Variants in STK32A observed in about 807,000 individuals in gnomAD.
STK32A encodes the protein serine/threonine kinase 32A, also known as serine/threonine-protein kinase 32A.
In STK32A, 41 loss-of-function variants were observed where a neutral mutation model predicts 53.2. The ratio of observed to expected loss-of-function variants is 0.77; its 90% CI spans 0.60 to 1.00. The LOEUF is 1.00. Ranked by LOEUF, STK32A falls within the 50% of genes least tolerant of loss-of-function variation. The pLI, the probability that STK32A is intolerant of heterozygous loss-of-function variation, is 0.00. For missense variants in STK32A, 458 were observed against 485.8 expected (o/e 0.94, Z 0.54); for synonymous variants, 166 against 162.8 (o/e 1.02, Z -0.15).
chr5:147,309,822 G>C (rs1305105761), intron 4 of STK32A, among the ~76,000 whole-genome samples: 1 of 152,034 alleles, frequency 6.6e-6, no homozygotes, highest in African/African-American at 2.4e-5. Context: ...TCTTTCGATA[G>C]CCACAAAAAC....
chr5:147,303,074 T>A (rs2151966934), intron 4 of STK32A, among the ~76,000 whole-genome samples: 1 of 152,322 alleles, frequency 6.6e-6, no homozygotes, highest in South Asian at 2.1e-4. Context: ...ATCAGGTGCA[T>A]CATCCCTAAA....
chr5:147,287,583 G>T (rs1752405753), intron 4 of STK32A, among the ~76,000 whole-genome samples: 1 of 152,060 alleles, frequency 6.6e-6, no homozygotes, highest in Admixed American at 6.6e-5. Context: ...CTTGGAAATA[G>T]GTCTATTACA....
At chr5:147,264,937 T>C (rs955494557) in intron 2 of STK32A, among the ~76,000 whole-genome samples, 1 of 151,986 alleles carries the variant, frequency 6.6e-6, no homozygotes, top group Non-Finnish European at 1.5e-5. Context: ...TATAAAGATA[T>C]AGATAGTTAT....
chr5:147,295,013 C>A (rs1347078062), intron 4 of STK32A, among the ~76,000 whole-genome samples: 6 of 152,136 alleles, frequency 3.9e-5, no homozygotes, highest in Non-Finnish European at 8.8e-5. Flanking sequence ...CATACGATAA[C>A]TACAATTTTA....
intron 4 of STK32A, among the ~76,000 whole-genome samples, chr5:147,288,160 T>C (rs1357805241): frequency 2.6e-5 from 4 of 152,208 alleles, no homozygotes; most frequent in Admixed American, 6.5e-5. Context: ...TCATTAACAA[T>C]GATAGAAGAA....
At chr5:147,259,432 G>T (rs560185979) in intron 2 of STK32A, among the ~76,000 whole-genome samples, 50 of 152,196 alleles carry the variant, frequency 3.3e-4, no homozygotes, top group African/African-American at 1.2e-3. Context: ...TGGCCTCAGT[G>T]CTTTCAGGCT....
At chr5:147,365,198 G>T (rs890414343) in intron 8 of STK32A, among the ~76,000 whole-genome samples, 6 of 152,024 alleles carry the variant, frequency 3.9e-5, no homozygotes, top group Admixed American at 3.9e-4. Flanking sequence ...TTTCATCATG[G>T]TCCAATGGCT....
intron 4 of STK32A, among the ~76,000 whole-genome samples, chr5:147,283,499 C>CA (rs1752169733): frequency 6.8e-6 from 1 of 148,074 alleles, no homozygotes; most frequent in Admixed American, 6.7e-5. Flanking sequence ...ATAAATAAAA[C>CA]AAAAAGATGG....
intron 2 of STK32A, among the ~76,000 whole-genome samples, chr5:147,274,384 GTCTT>G (rs1342646265): frequency 6.6e-6 from 1 of 152,158 alleles, no homozygotes; most frequent in Non-Finnish European, 1.5e-5. Flanking sequence ...TCTCCAGACG[GTCTT>G]TCTGTCTTCT....
chr5:147,338,415 CCAGTCTTGGGTATGTCTTTATTAG>C (rs1263776047), intron 5 of STK32A, among the ~76,000 whole-genome samples: 2 of 152,030 alleles, frequency 1.3e-5, no homozygotes, highest in Non-Finnish European at 2.9e-5. Flanking sequence ...TATAAATTAC[CCAGTCTTGGGTATGTCTTTATTAG>C]CAGTGTGAGA....
chr5:147,324,875 T>C (rs1199434670), intron 5 of STK32A, among the ~76,000 whole-genome samples: 1 of 152,210 alleles, frequency 6.6e-6, no homozygotes, highest in Non-Finnish European at 1.5e-5. Context: ...TGTTTACTGG[T>C]TGATGACTTA....
intron 6 of STK32A, among the ~76,000 whole-genome samples, chr5:147,345,416 A>C (rs1025294239): frequency 7.9e-5 from 12 of 152,202 alleles, no homozygotes; most frequent in Non-Finnish European, 1.5e-4. Context: ...TTTCCTTGGA[A>C]AGGAAGCTGG....
intron 11 of STK32A, among the ~76,000 whole-genome samples, chr5:147,382,248 T>A (rs1757480829): frequency 1.3e-5 from 2 of 152,224 alleles, no homozygotes; most frequent in South Asian, 4.1e-4. Context: ...TTTTAGTTAT[T>A]GCACTTTTCA....
intron 2 of STK32A, among the ~76,000 whole-genome samples, chr5:147,247,198 T>A (rs1263767477): frequency 6.6e-6 from 1 of 152,246 alleles, no homozygotes; most frequent in Non-Finnish European, 1.5e-5. Flanking sequence ...TGACTTCTGC[T>A]GTATGGCCTT....
chr5:147,259,924 CTCACTCCTGGCTG>C, intron 2 of STK32A, among the ~76,000 whole-genome samples: 1 of 131,074 alleles, frequency 7.6e-6, no homozygotes, highest in Admixed American at 7.2e-5. Context: ...CCTCTTGTCT[CTCACTCCTGGCTG>C]TCTCTCTCTC....
rs766564311 is a variant in STK32A at position 147,375,151 on chromosome 5, C to G, written c.965C>G (p.Pro322Arg). ...GAGGAAATGATTTTGGAGTCCAAAC[C>G]TCTACATAAGAAAAAAAAGCGTCTG... ...ELEEMILESK[P>R]LHKKKKRLAK... The change falls in exon 11 of 13, where the codon CCT becomes CGT. Residue 322 changes from proline (P) to arginine (R), a missense_variant. Transcript: ENST00000397936. 6.2e-7 allele frequency: 1 copy of G among 1,610,358 alleles called. No homozygotes were observed. The highest frequency in any genetic ancestry group is 1.7e-5 in the Admixed American group (1 of 59,518).
chr5:147,376,138 T>C (rs890305386), intron 11 of STK32A, among the ~76,000 whole-genome samples: 3 of 152,202 alleles, frequency 2.0e-5, no homozygotes, highest in African/African-American at 7.2e-5. Flanking sequence ...TGCAAACAAA[T>C]AAGTATCCTC....
chr5:147,241,479 AAAACAAACAAAC>A (rs80273912), intron 2 of STK32A, among the ~76,000 whole-genome samples: 1 of 151,032 alleles, frequency 6.6e-6, no homozygotes, highest in African/African-American at 2.4e-5. Flanking sequence ...ACTCCATCTC[AAAACAAACAAAC>A]AAACAAACAA....
At chr5:147,355,291 C>T (rs1345190327) in intron 7 of STK32A, among the ~76,000 whole-genome samples, 2 of 152,156 alleles carry the variant, frequency 1.3e-5, no homozygotes, top group East Asian at 1.9e-4. Context: ...TTGTCCTCTA[C>T]CTCTGTGCTC....
Sources: gnomAD v4.1 joint callset for allele counts (sites outside exome capture counted in the v4.1 genomes callset) on GRCh38, gnomAD v4.1.1 for gene constraint, MANE v1.5 for transcripts, NCBI Gene and HGNC (gene_info 2026-07-23, HGNC 2026-07-21) for gene names.